Variants in BMP7 observed in about 807,000 individuals in gnomAD.
The protein encoded by BMP7 is osteogenic protein 1.
Under a neutral mutation model 41.2 loss-of-function variants are expected in BMP7, and 12 were observed. That is an observed-to-expected ratio of 0.29 (90% CI 0.19 to 0.47). BMP7 has a LOEUF of 0.47. Ranked by LOEUF, BMP7 falls within the 20% of genes least tolerant of loss-of-function variation. The pLI, the probability that BMP7 is intolerant of heterozygous loss-of-function variation, is 0.99. For synonymous variants in BMP7, 248 were observed against 250.0 expected (o/e 0.99, Z 0.07); for missense variants, 467 against 606.0 (o/e 0.77, Z 2.41).
chr20:57,232,874 C>G (rs2066034370), intron 1 of BMP7, among the ~76,000 whole-genome samples: 1 of 151,588 alleles, frequency 6.6e-6, no homozygotes, highest in Admixed American at 6.6e-5. Context: ...CACACACACA[C>G]ACACACACAC....
At chr20:57,252,031 C>A (rs190877202) in intron 1 of BMP7, among the ~76,000 whole-genome samples, 5 of 152,320 alleles carry the variant, frequency 3.3e-5, no homozygotes, top group Admixed American at 1.3e-4. Context: ...GATCAATAAA[C>A]CCCATGAAGA....
At chr20:57,216,118 G>A (rs1040801009) in intron 2 of BMP7, among the ~76,000 whole-genome samples, 1 of 152,124 alleles carries the variant, frequency 6.6e-6, no homozygotes, top group Admixed American at 6.5e-5. Context: ...TTATTCTCAC[G>A]GTAGCATCCT....
At chr20:57,212,081 G>T (rs1030102229) in intron 2 of BMP7, among the ~76,000 whole-genome samples, 1 of 152,206 alleles carries the variant, frequency 6.6e-6, no homozygotes, top group African/African-American at 2.4e-5. Flanking sequence ...GGCTGGGCGT[G>T]CGTAGCACAC....
chr20:57,250,722 T>C (rs1451959358), intron 1 of BMP7, among the ~76,000 whole-genome samples: 1 of 152,146 alleles, frequency 6.6e-6, no homozygotes, highest in Non-Finnish European at 1.5e-5. Flanking sequence ...CAGTCAACTG[T>C]CTAAACCCAG....
intron 2 of BMP7, among the ~76,000 whole-genome samples, chr20:57,221,257 C>T (rs1377208745): frequency 6.6e-5 from 10 of 152,106 alleles, no homozygotes; most frequent in African/African-American, 1.9e-4. Flanking sequence ...GAAAAAGAGG[C>T]GGCTCCAGGT....
chr20:57,211,748 G>T (rs1984889474), intron 2 of BMP7, among the ~76,000 whole-genome samples: 1 of 152,144 alleles, frequency 6.6e-6, no homozygotes, highest in Non-Finnish European at 1.5e-5. Context: ...GGAACCTTGA[G>T]CCAAGAAAGG....
intron 2 of BMP7, among the ~76,000 whole-genome samples, chr20:57,203,577 G>A (rs1278660158): frequency 2.0e-5 from 3 of 152,140 alleles, no homozygotes; most frequent in Non-Finnish European, 4.4e-5. Flanking sequence ...GGGTAGATGA[G>A]TAGATGAATA....
rs115614427 is a variant in BMP7, at chr20:57,257,018, C to T, written c.418+8687G>A. Among the ~76,000 whole-genome samples the T allele has an allele frequency of 2.8e-3, 432 of 152,278 alleles. 1 individual carries two copies. The highest frequency in any genetic ancestry group is 9.5e-3 in the African/African-American group (395 of 41,546). ...CCCAGGTAGAAATATTAAAAGCCAA[C>T]GCACAGTTCACATTATCTTTCCTTC... On this transcript the variant is annotated intron_variant, in intron 1 of 6. Transcript: ENST00000395863.
At chr20:57,254,302 C>T (rs927896813) in intron 1 of BMP7, among the ~76,000 whole-genome samples, 1 of 152,052 alleles carries the variant, frequency 6.6e-6, no homozygotes. Context: ...GGATTACAGG[C>T]GTGAGCCACC....
At chr20:57,246,721 G>A (rs1367876845) in intron 1 of BMP7, among the ~76,000 whole-genome samples, 2 of 152,216 alleles carry the variant, frequency 1.3e-5, no homozygotes, top group Non-Finnish European at 2.9e-5. Context: ...GGGTGCGGTG[G>A]CTCATGCCTG....
At chr20:57,189,187 A>G (rs1443130564) in intron 3 of BMP7, among the ~76,000 whole-genome samples, 1 of 152,118 alleles carries the variant, frequency 6.6e-6, no homozygotes, top group Non-Finnish European at 1.5e-5. Flanking sequence ...GGACTGAAAT[A>G]CTCTGAACTC....
At chr20:57,200,718 C>CT (rs1189163257) in intron 3 of BMP7, among the ~76,000 whole-genome samples, 1 of 152,168 alleles carries the variant, frequency 6.6e-6, no homozygotes, top group Admixed American at 6.5e-5. Flanking sequence ...TCGCTTGAAC[C>CT]TGGGAGGCGG....
rs766666872 is a variant in BMP7 at position 57,215,124 on chromosome 20, C to G, written c.612-12501G>C. 2.6e-5 allele frequency among the ~76,000 whole-genome samples: 4 copies of G among 152,234 alleles called. No homozygotes were observed. Among genetic ancestry groups the G allele is most frequent in the African/African-American group, 9.6e-5 (4 of 41,456 alleles). On this transcript the variant is annotated intron_variant, in intron 2 of 6. Transcript: ENST00000395863. The surrounding 1 kb of genome is among the most constrained non-coding windows in gnomAD (Gnocchi z 4.2). ...GGCACCCACACTCCCAGGCCATGGGCACCCAGCTGCACATCCTAGTTGAAG... is the reference window on the plus strand; with the variant it reads ...GGCACCCACACTCCCAGGCCATGGGGACCCAGCTGCACATCCTAGTTGAAG...
At position 57,214,604 on chromosome 20, in the gene BMP7, G is replaced by A. The variant is rs114955671; in HGVS notation, c.612-11981C>T. ...ACAGCCCCTCACACATGCTGTTTCCGCTGCCTGCAACACTGTTCCCTGCCT... is the reference window on the plus strand; with the variant it reads ...ACAGCCCCTCACACATGCTGTTTCCACTGCCTGCAACACTGTTCCCTGCCT... On this transcript the variant is annotated intron_variant, in intron 2 of 6. Transcript: ENST00000395863. The surrounding 1 kb of genome is among the most constrained non-coding windows in gnomAD (Gnocchi z 4.0). Among the ~76,000 whole-genome samples, 47 of 151,912 alleles carry A rather than the reference G, an allele frequency of 3.1e-4. No homozygotes were observed. The highest frequency in any genetic ancestry group is 5.9e-4 in the East Asian group (3 of 5,120).
At chr20:57,210,028 G>C (rs888223107) in intron 2 of BMP7, among the ~76,000 whole-genome samples, 1 of 152,166 alleles carries the variant, frequency 6.6e-6, no homozygotes, top group Non-Finnish European at 1.5e-5. Flanking sequence ...CCAGGGGACA[G>C]GCCACACGTC....
At chr20:57,209,774 C>A (rs972082745) in intron 2 of BMP7, among the ~76,000 whole-genome samples, 1 of 152,300 alleles carries the variant, frequency 6.6e-6, no homozygotes, top group East Asian at 1.9e-4. Flanking sequence ...AGAGTGGTAG[C>A]AACAATTCAC....
In BMP7 at chr20:57,175,155, C is replaced by T. The variant is rs185828910; in HGVS notation, c.959-148G>A. 672 of 857,872 alleles carry T rather than the reference C, an allele frequency of 7.8e-4. 4 individuals are homozygous for T. The African/African-American group carries it at 9.9e-3, about 13-fold the overall frequency. 53.1% of individuals were successfully genotyped at this position (857,872 alleles called of 1,614,324 possible). On this transcript the variant is annotated intron_variant, in intron 4 of 6. Coordinates refer to ENST00000395863, the MANE Select transcript of BMP7 (RefSeq NM_001719.3). ...AAATTTCCCGATTCAAAAGCCAGTT[C>T]GAGGGTCTAACTGCCTTAAAACTCA...
chr20:57,254,435 C>T (rs2066126111), intron 1 of BMP7, among the ~76,000 whole-genome samples: 1 of 152,190 alleles, frequency 6.6e-6, no homozygotes, highest in South Asian at 2.1e-4. Context: ...AGCTCTCACC[C>T]TGAAGGTAGG....
Position 57,262,734 on chromosome 20 carries a change from C to T in BMP7, c.418+2971G>A, listed in dbSNP as rs565687574. ...AAGATCCTCACCCATGCCCCCCCCG[C>T]CAAACTCCCACCATAATAAGAAGTA... is the stretch of plus-strand genomic sequence containing the variant. On this transcript the variant is annotated intron_variant, in intron 1 of 6. Coordinates refer to ENST00000395863, the MANE Select transcript of BMP7 (RefSeq NM_001719.3). Among the ~76,000 whole-genome samples the T allele has an allele frequency of 3.2e-4, 49 of 152,192 alleles. 1 individual carries two copies. In the South Asian group the frequency reaches 1.0e-2, roughly 31 times the overall value.
Sources: gnomAD v4.1 joint callset for allele counts (sites outside exome capture counted in the v4.1 genomes callset) on GRCh38, gnomAD v4.1.1 for gene constraint, Gnocchi (gnomAD v3.1) non-coding constraint, MANE v1.5 for transcripts, NCBI Gene and HGNC (gene_info 2026-07-23, HGNC 2026-07-21) for gene names.